The following RMND1 variants were observed in gnomAD, a reference collection of about 807,000 sequenced individuals.
RMND1 encodes the protein required for meiotic nuclear division 1 homolog.
A neutral mutation model predicts 54.0 loss-of-function variants in RMND1; 41 were observed. The observed-to-expected ratio is 0.76, with a 90% CI of 0.59 to 0.98. RMND1 has a LOEUF of 0.98. Ranked by LOEUF, RMND1 falls within the 50% of genes least tolerant of loss-of-function variation. The pLI is 0.00. For missense variants in RMND1, 457 were observed against 532.0 expected (o/e 0.86, Z 1.39); for synonymous variants, 183 against 181.7 (o/e 1.01, Z -0.06).
At chr6:151,428,333 T>A (rs1272860918) in intron 5 of RMND1, among the ~76,000 whole-genome samples, 1 of 152,224 alleles carries the variant, frequency 6.6e-6, no homozygotes, top group Non-Finnish European at 1.5e-5. Context: ...GATCATATTA[T>A]GCACATGACA....
chr6:151,429,969 A>C (rs1780407071), intron 5 of RMND1, among the ~76,000 whole-genome samples, 169 bp downstream of exon 5: 1 of 152,240 alleles, frequency 6.6e-6, no homozygotes, highest in Non-Finnish European at 1.5e-5. Context: ...ATCTTAACCC[A>C]AAATACAATA....
chr6:151,428,120 T>G (rs1457046701), intron 5 of RMND1, among the ~76,000 whole-genome samples: 2 of 151,876 alleles, frequency 1.3e-5, no homozygotes, highest in Non-Finnish European at 2.9e-5. Context: ...CTCAAAAAAA[T>G]AAATAAATAA....
intron 10 of RMND1, among the ~76,000 whole-genome samples, chr6:151,407,305 CCCTGTTTTCCTTTCCTCTT>C (rs1366775231): frequency 6.6e-6 from 1 of 152,136 alleles, no homozygotes; most frequent in Non-Finnish European, 1.5e-5. Flanking sequence ...CCTTTCCCCT[CCCTGTTTTCCTTTCCTCTT>C]GCCCTTTCTT....
intron 10 of RMND1, among the ~76,000 whole-genome samples, chr6:151,412,078 C>T (rs75763514): frequency 0.13 from 19,348 of 152,160 alleles, 1,292 homozygotes; most frequent in Middle Eastern, 0.18. Context: ...TGGCTCACTG[C>T]AACCTCTGCC....
At chr6:151,419,888 A>T (rs1780110135) in intron 9 of RMND1, among the ~76,000 whole-genome samples, 1 of 152,112 alleles carries the variant, frequency 6.6e-6, no homozygotes, top group South Asian at 2.1e-4. Flanking sequence ...GCAAGCAAAC[A>T]CATGTACATG....
chr6:151,407,556 A>G (rs551270117), intron 10 of RMND1, among the ~76,000 whole-genome samples: 5 of 152,120 alleles, frequency 3.3e-5, no homozygotes, highest in Non-Finnish European at 7.3e-5. Flanking sequence ...TATTAAGTCT[A>G]ACAACTTAGC....
Position 151,422,545 on chromosome 6 carries a change from G to A in RMND1, c.998C>T (p.Pro333Leu). 1.3e-6 allele frequency: 2 copies of A among 1,493,014 alleles called. No individual in the cohort carries two copies. Among genetic ancestry groups the A allele is most frequent in the Admixed American group, 2.1e-5 (1 of 48,372 alleles). The allele number at this position is 1,493,014 out of a possible 1,614,324, so 92.5% of individuals were successfully genotyped here. A position where few individuals can be genotyped will look rare whatever the true frequency, so the allele number is the denominator to read the frequency against. ...DKFIESIQSIPEALKAGKKVK... is the reference protein window; with the variant it reads ...DKFIESIQSILEALKAGKKVK... ...GCATAAAATTGATATAATTACCTCA[G>A]GAATTGACTGAATAGATTCAATAAA... The change falls in exon 8 of 12, where the codon CCT becomes CTT. Residue 333 changes from proline to leucine, a missense_variant. By Grantham distance (98) the Pro-to-Leu change is moderately conservative (BLOSUM62 -3). Coordinates refer to ENST00000444024, the MANE Select transcript of RMND1 (RefSeq NM_017909.4).
chr6:151,406,362 G>T (rs545200670), intron 10 of RMND1, among the ~76,000 whole-genome samples: 104 of 150,890 alleles, frequency 6.9e-4, no homozygotes, highest in African/African-American at 1.1e-3. Context: ...TTTTTTTTTT[G>T]TTGTTGTTGT....
intron 3 of RMND1, among the ~76,000 whole-genome samples, chr6:151,434,552 G>A (rs561706915): frequency 6.6e-6 from 1 of 152,224 alleles, no homozygotes; most frequent in East Asian, 1.9e-4. Flanking sequence ...CCACACAGCT[G>A]GCAGCCTTCA....
rs1038353965 is a variant in RMND1, at chr6:151,438,335, T to C, written c.505-1781A>G. Among the ~76,000 whole-genome samples the C allele has an allele frequency of 2.0e-5, 3 of 152,154 alleles. No homozygotes were observed. The East Asian group carries it at 5.8e-4, about 29-fold the overall frequency. Reference sequence around the variant, plus strand: ...TAGGTGAAATCACAGTACATTAGGTTGGATGTCAGAATTACTTCTGTGATG... The same window carrying C: ...TAGGTGAAATCACAGTACATTAGGTCGGATGTCAGAATTACTTCTGTGATG... On this transcript the variant is annotated intron_variant, in intron 2 of 11. Transcript: ENST00000444024.
chr6:151,410,031 TAAA>T (rs932618137), intron 10 of RMND1, among the ~76,000 whole-genome samples: 4 of 150,912 alleles, frequency 2.7e-5, no homozygotes, highest in African/African-American at 9.7e-5. Flanking sequence ...TGAGGGGGAA[TAAA>T]AAACCCCGCT....
At chr6:151,429,262 C>T (rs1166043858) in intron 5 of RMND1, among the ~76,000 whole-genome samples, 1 of 152,006 alleles carries the variant, frequency 6.6e-6, no homozygotes, top group East Asian at 1.9e-4. Context: ...GCTGGGATTA[C>T]AGGTGTGCAC....
chr6:151,412,310 C>A (rs1279791601), intron 10 of RMND1, among the ~76,000 whole-genome samples: 1 of 147,844 alleles, frequency 6.8e-6, no homozygotes, highest in African/African-American at 2.6e-5. Flanking sequence ...CCATAACTTG[C>A]TTTTTAATTT....
chr6:151,405,233 G>T lies in RMND1; in HGVS notation c.*2C>A. ...TGCAGTGACACTTTGGTTATCACTT[G>T]ATCAGAAAAATACTCGTCCCAGCTC... On this transcript the variant is annotated 3_prime_UTR_variant, in exon 12 of 12. Transcript: ENST00000444024. The T allele has an allele frequency of 6.2e-7, 1 of 1,611,660 alleles. No homozygotes were observed. The highest frequency in any genetic ancestry group is 8.5e-7 in the Non-Finnish European group (1 of 1,177,894).
rs377728838 is a variant in RMND1, at chr6:151,406,198, T to C, written c.1201-362A>G. On this transcript the variant is annotated intron_variant, in intron 10 of 11. Coordinates refer to ENST00000444024, the MANE Select transcript of RMND1 (RefSeq NM_017909.4). ...ATAATTTACTTTCTACTAGAAAATC[T>C]ACGCTTAACATTTGACCTGCTGTAC... 5.3e-5 allele frequency among the ~76,000 whole-genome samples: 8 copies of C among 152,186 alleles called. No individual in the cohort carries two copies. The East Asian group carries it at 9.6e-4, about 18-fold the overall frequency.
chr6:151,433,296 T>TAAAC (rs1205635894), intron 3 of RMND1, 66 bp from the exon 4 acceptor site: 2 of 953,282 alleles, frequency 2.1e-6, no homozygotes, highest in Non-Finnish European at 3.3e-6. Context: ...GAGTCACCTA[T>TAAAC]AAACACTGTA....
Position 151,424,243 on chromosome 6 carries a change from G to A in RMND1, c.831-612C>T, listed in dbSNP as rs374140943. ...CGGGAGGCCGAGGCAGGTGGATCAC[G>A]AGGTCAGGAGATTGAGACCATCCTG... On this transcript the variant is annotated intron_variant, in intron 6 of 11. Transcript: ENST00000444024. Among the ~76,000 whole-genome samples the A allele has an allele frequency of 4.5e-3, 692 of 152,114 alleles. 1 individual carries two copies. The highest frequency in any genetic ancestry group is 6.5e-3 in the Non-Finnish European group (443 of 67,988).
At chr6:151,405,866 T>C in intron 10 of RMND1, 30 bp from the exon 11 acceptor site, 1 of 1,125,220 alleles carries the variant, frequency 8.9e-7, no homozygotes, top group Non-Finnish European at 1.4e-6. Flanking sequence ...GTAACATGTA[T>C]TTAAACAATT....
chr6:151,409,541 T>C (rs1193248808), intron 10 of RMND1, among the ~76,000 whole-genome samples: 1 of 152,234 alleles, frequency 6.6e-6, no homozygotes, highest in South Asian at 2.1e-4. Flanking sequence ...TCTACAAATA[T>C]TTCTTGCGGA....
Sources: allele counts gnomAD v4.1 joint callset (sites outside exome capture counted in the v4.1 genomes callset), GRCh38; gene constraint gnomAD v4.1.1; transcripts MANE v1.5; gene names NCBI Gene and HGNC (gene_info 2026-07-23, HGNC 2026-07-21).